DENND2B: variants seen among roughly 807,000 people sequenced by gnomAD.
DENND2B encodes the protein DENN domain-containing protein 2B.
Under a neutral mutation model 116.0 loss-of-function variants are expected in DENND2B, and 32 were observed. The observed-to-expected ratio is 0.28, with a 90% CI of 0.21 to 0.37. DENND2B has a LOEUF of 0.37. Among genes scored for constraint, DENND2B ranks in the 10% least tolerant of loss-of-function variants. The pLI, the probability that DENND2B is intolerant of heterozygous loss-of-function variation, is 1.00. For synonymous variants in DENND2B, 588 were observed against 583.9 expected, an observed-to-expected ratio of 1.01 and a Z score of -0.10; for missense variants, 1,276 against 1,477.7, an observed-to-expected ratio of 0.86 and a Z score of 2.24.
chr11:8,907,542 GATTTA>G (rs1328370985), intron 1 of DENND2B, among the ~76,000 whole-genome samples: 4 of 152,052 alleles, frequency 2.6e-5, no homozygotes, highest in African/African-American at 9.7e-5. Flanking sequence ...CAAATGCAAA[GATTTA>G]ATTTAGAGTC....
chr11:8,783,120 T>C (rs1770474152), intron 1 of DENND2B, among the ~76,000 whole-genome samples: 2 of 138,040 alleles, frequency 1.4e-5, no homozygotes, highest in East Asian at 2.3e-4. Flanking sequence ...AGTGGCACAA[T>C]CACAGCTCAA....
chr11:8,812,143 G>A (rs186377250), upstream of DENND2B, among the ~76,000 whole-genome samples: 9 of 152,280 alleles, frequency 5.9e-5, no homozygotes, highest in Admixed American at 2.6e-4. Flanking sequence ...AGCCAAGTTC[G>A]CCCTAGTCCA....
intron 9 of DENND2B, chr11:8,711,950 G>A: frequency 6.6e-6 from 3 of 456,006 alleles, no homozygotes; most frequent in South Asian, 4.6e-5. Flanking sequence ...TGTCTGGACA[G>A]ACCTCCTGAA....
At chr11:8,894,548 A>G (rs2064075640) in intron 1 of DENND2B, among the ~76,000 whole-genome samples, 1 of 130,100 alleles carries the variant, frequency 7.7e-6, no homozygotes, top group Non-Finnish European at 1.8e-5. Flanking sequence ...CAACAAATTT[A>G]CAAGAAAAAA....
chr11:8,832,589 G>C (rs1000718291), intron 4 of DENND2B: 4 of 144,370 alleles, frequency 2.8e-5, no homozygotes, highest in East Asian at 1.9e-4. Flanking sequence ...AGTGGAACTA[G>C]CATTCCTCCT....
At chr11:8,866,607 A>C (rs2063589677) in intron 2 of DENND2B, among the ~76,000 whole-genome samples, 1 of 152,228 alleles carries the variant, frequency 6.6e-6, no homozygotes, top group Non-Finnish European at 1.5e-5. Flanking sequence ...ACAAACTGGG[A>C]GAAGGAACCA....
intron 1 of DENND2B, among the ~76,000 whole-genome samples, chr11:8,769,902 A>G (rs1170880666): frequency 6.6e-6 from 1 of 152,192 alleles, no homozygotes; most frequent in Admixed American, 6.5e-5. Flanking sequence ...AGGCCAAGGC[A>G]GGCAGATCAC....
At chr11:8,776,352 A>C (rs1020912250) in intron 1 of DENND2B, 38 of 409,786 alleles carry the variant, frequency 9.3e-5, no homozygotes, top group Non-Finnish European at 6.3e-5. Flanking sequence ...AGGTCCCCTG[A>C]AGCTCAGGCT....
chr11:8,764,880 G>C (rs972377120), intron 1 of DENND2B, among the ~76,000 whole-genome samples: 1 of 148,700 alleles, frequency 6.7e-6, no homozygotes, highest in Non-Finnish European at 1.5e-5. Context: ...GGGAGGCAGA[G>C]GTTGCAGTGA....
intron 14 of DENND2B, among the ~76,000 whole-genome samples, chr11:8,701,066 C>T (rs1211152648): frequency 1.3e-5 from 2 of 152,088 alleles, no homozygotes; most frequent in Non-Finnish European, 2.9e-5. Flanking sequence ...GGATTACAGG[C>T]GTGAGCCACT....
At chr11:8,795,683 T>C (rs561872204) in intron 1 of DENND2B, among the ~76,000 whole-genome samples, 5 of 152,334 alleles carry the variant, frequency 3.3e-5, no homozygotes, top group African/African-American at 1.2e-4. Flanking sequence ...TCCATTTCCA[T>C]CTTCTACATG....
chr11:8,780,532 C>G (rs562299585), intron 1 of DENND2B, among the ~76,000 whole-genome samples: 16 of 152,096 alleles, frequency 1.1e-4, no homozygotes, highest in Non-Finnish European at 1.9e-4. Flanking sequence ...AGCAGGAAAG[C>G]AGAAGACGTA....
chr11:8,769,256 A>G (rs1247802193), intron 1 of DENND2B, among the ~76,000 whole-genome samples: 2 of 119,086 alleles, frequency 1.7e-5, no homozygotes, highest in Non-Finnish European at 3.6e-5. Flanking sequence ...TTTTTTTTTG[A>G]GACAAGAGTC....
At chr11:8,759,692 A>G (rs1296698583) in intron 1 of DENND2B, among the ~76,000 whole-genome samples, 1 of 152,228 alleles carries the variant, frequency 6.6e-6, no homozygotes. Flanking sequence ...AACAGTGTGC[A>G]GCTGTGGCCT....
At chr11:8,870,715 C>G (rs1051301967) in intron 2 of DENND2B, 7 of 152,312 alleles carry the variant, frequency 4.6e-5, no homozygotes, top group Non-Finnish European at 5.9e-5. Context: ...TTCCCCACCC[C>G]CAACCGCGCG....
chr11:8,877,254 C>T (rs1427873449), intron 2 of DENND2B, among the ~76,000 whole-genome samples: 1 of 151,842 alleles, frequency 6.6e-6, no homozygotes, highest in Non-Finnish European at 1.5e-5. Context: ...CAGGTGCCCA[C>T]CACCATGCCC....
chr11:8,758,351 A>T (rs1351470837), intron 1 of DENND2B, among the ~76,000 whole-genome samples: 1 of 151,996 alleles, frequency 6.6e-6, no homozygotes, highest in African/African-American at 2.4e-5. Flanking sequence ...CGCACACACC[A>T]CGGGATCCAG....
intron 4 of DENND2B, among the ~76,000 whole-genome samples, chr11:8,721,302 C>T (rs2046126896): frequency 1.4e-5 from 2 of 140,170 alleles, no homozygotes; most frequent in Admixed American, 1.5e-4. Context: ...CACTCCTCTC[C>T]ACAACCTTTC....
intron 4 of DENND2B, among the ~76,000 whole-genome samples, chr11:8,833,416 A>C (rs1170313709): frequency 1.3e-5 from 2 of 152,218 alleles, no homozygotes; most frequent in Non-Finnish European, 2.9e-5. Context: ...CTTTGCAAGG[A>C]AAGGGCAATT....
Sources: allele counts gnomAD v4.1 joint callset (sites outside exome capture counted in the v4.1 genomes callset), GRCh38; gene constraint gnomAD v4.1.1; transcripts MANE v1.5; gene names NCBI Gene and HGNC (gene_info 2026-07-23, HGNC 2026-07-21).